Variants in FIG4 observed in about 807,000 individuals in gnomAD.
The protein encoded by FIG4 is FIG4 phosphoinositide 5-phosphatase.
A neutral mutation model predicts 118.6 loss-of-function variants in FIG4; 112 were observed. The observed-to-expected ratio is 0.94, with a 90% CI of 0.81 to 1.11. The LOEUF (loss-of-function observed/expected upper bound fraction) is 1.11. Among genes scored for constraint, FIG4 ranks in the 50% least tolerant of loss-of-function variants. The pLI is 0.00. For missense variants in FIG4, 969 were observed against 1,111.7 expected (o/e 0.87, Z 1.83); for synonymous variants, 369 against 381.2 (o/e 0.97, Z 0.37).
intron 13 of FIG4, 61 bp from the exon 14 acceptor site, chr6:109,764,952 T>C (rs925906188): frequency 4.5e-5 from 61 of 1,352,578 alleles, no homozygotes; most frequent in Middle Eastern, 3.6e-4. Context: ...AAATCTAAAG[T>C]AGTATGGAAG....
chr6:109,804,111 A>G (rs1432071025), intron 22 of FIG4, among the ~76,000 whole-genome samples: 1 of 152,044 alleles, frequency 6.6e-6, no homozygotes, highest in Non-Finnish European at 1.5e-5. Flanking sequence ...CTCATAAGAC[A>G]CTCTTACCTT....
chr6:109,805,282 G>A (rs1322130137), intron 22 of FIG4, among the ~76,000 whole-genome samples: 1 of 152,106 alleles, frequency 6.6e-6, no homozygotes, highest in Non-Finnish European at 1.5e-5. Context: ...TCCTCCCATA[G>A]GCAATTAGCT....
chr6:109,753,770 G>A (rs1278640259), intron 10 of FIG4, among the ~76,000 whole-genome samples: 1 of 152,158 alleles, frequency 6.6e-6, no homozygotes, highest in African/African-American at 2.4e-5. Flanking sequence ...GAATGCTTGT[G>A]ATTTTTGTAC....
At chr6:109,709,003 T>A (rs1177704203) in intron 1 of FIG4, among the ~76,000 whole-genome samples, 3 of 152,244 alleles carry the variant, frequency 2.0e-5, no homozygotes, top group Non-Finnish European at 2.9e-5. Context: ...TCTGTTGCAA[T>A]TGCTTTTGGA....
At position 109,715,898 on chromosome 6, in the gene FIG4, C is replaced by T. The variant is rs148667037; in HGVS notation, c.166-547C>T. Among the ~76,000 whole-genome samples the T allele has an allele frequency of 2.2e-4, 33 of 152,286 alleles. No homozygotes were observed. In the East Asian group the frequency reaches 5.2e-3, roughly 24 times the overall value. ...TTTGGAATCCATTTTCACTAAGCTA[C>T]TTGTAACAAAACTATTTTCTGTGTT... On this transcript the variant is annotated intron_variant, in intron 2 of 22. Coordinates refer to ENST00000230124, the MANE Select transcript of FIG4 (RefSeq NM_014845.6).
chr6:109,809,941 C>G (rs938160496), intron 22 of FIG4, among the ~76,000 whole-genome samples: 4 of 152,116 alleles, frequency 2.6e-5, no homozygotes, highest in Admixed American at 2.6e-4. Context: ...CTCTGCTCCC[C>G]CATTGTCAGT....
chr6:109,799,437 C>G (rs922206817), intron 22 of FIG4, among the ~76,000 whole-genome samples: 2 of 152,068 alleles, frequency 1.3e-5, no homozygotes, highest in Non-Finnish European at 2.9e-5. Flanking sequence ...CTTAAAATGT[C>G]GACTATTCAT....
Position 109,776,945 on chromosome 6 carries a change from A to C in FIG4, c.1774A>C (p.Asn592His). Residue 592 changes from asparagine (N) to histidine (H), a missense_variant, in exon 16 of 23, where the codon AAT (asparagine) becomes CAT (histidine). Asn to His is a moderately conservative substitution (Grantham distance 68, BLOSUM62 1). Transcript: ENST00000230124. ...FSDADRQDSI[N>H]LFLGVFHPTE... The stretch of plus-strand genomic sequence containing the variant: ...AGATGCCGATAGACAAGATTCCATT[A>C]ATCTCTTCCTGGGAGTTTTCCATCC... 1.2e-6 allele frequency: 2 copies of C among 1,613,382 alleles called. No homozygotes were observed. Among genetic ancestry groups the C allele is most frequent in the Non-Finnish European group, 1.7e-6 (2 of 1,179,486 alleles).
intron 21 of FIG4, among the ~76,000 whole-genome samples, chr6:109,796,154 A>G (rs1469207652): frequency 6.6e-6 from 1 of 152,218 alleles, no homozygotes; most frequent in East Asian, 1.9e-4. Context: ...CTTTCAGAAG[A>G]GGTCATATGG....
intron 15 of FIG4, among the ~76,000 whole-genome samples, chr6:109,776,112 G>A (rs1433382113): frequency 6.6e-6 from 1 of 152,180 alleles, no homozygotes; most frequent in Non-Finnish European, 1.5e-5. Flanking sequence ...GAGAAAGAAC[G>A]AAGGACACTA....
chr6:109,752,012 C>G (rs1436795530), intron 10 of FIG4, among the ~76,000 whole-genome samples: 9 of 126,016 alleles, frequency 7.1e-5, no homozygotes, highest in Admixed American at 5.2e-4. Context: ...CAACAGTCCC[C>G]AGAGTGTGAT....
intron 10 of FIG4, 135 bp from the exon 11 acceptor site, chr6:109,760,115 T>C (rs1417468678): frequency 1.4e-6 from 1 of 694,606 alleles, no homozygotes; most frequent in Non-Finnish European, 2.5e-6. Context: ...TTCTGATTAT[T>C]GTAGCTAGGT....
chr6:109,731,538 GA>G (rs1340684176), intron 4 of FIG4, among the ~76,000 whole-genome samples: 2 of 152,048 alleles, frequency 1.3e-5, no homozygotes, highest in Admixed American at 1.3e-4. Flanking sequence ...ACCACAGATT[GA>G]AAATACTTGA....
intron 22 of FIG4, among the ~76,000 whole-genome samples, chr6:109,809,730 CT>C (rs1000741689): frequency 2.0e-5 from 3 of 152,146 alleles, no homozygotes; most frequent in African/African-American, 7.2e-5. Context: ...CAAATGTTCT[CT>C]TTTTAAAGGG....
chr6:109,763,281 A>G (rs534812859), intron 12 of FIG4, among the ~76,000 whole-genome samples: 2 of 152,262 alleles, frequency 1.3e-5, no homozygotes, highest in Admixed American at 6.5e-5. Flanking sequence ...GTTGCCAGAC[A>G]TTGGCCAAGG....
rs774742105 is a variant in FIG4, at chr6:109,743,261, C to T, written c.1028C>T (p.Pro343Leu). The change falls in exon 9 of 23, where the codon CCA becomes CTA. Residue 343 changes from proline (P) to leucine (L), a missense_variant. Transcript: ENST00000230124. ...SQDISTMMPKPPITLDQADPF... is the reference protein window; with the variant it reads ...SQDISTMMPKLPITLDQADPF... Reference sequence around the variant, plus strand: ...GACATTTCAACTATGATGCCTAAACCACCTATTACATGTGTGTGGAGCCAT... The same window carrying T: ...GACATTTCAACTATGATGCCTAAACTACCTATTACATGTGTGTGGAGCCAT... 3 of 1,612,546 alleles carry T rather than the reference C, an allele frequency of 1.9e-6. No homozygotes were observed. Among genetic ancestry groups the T allele is most frequent in the East Asian group, 2.2e-5 (1 of 44,764 alleles).
chr6:109,812,000 G>A (rs942949394), intron 22 of FIG4, among the ~76,000 whole-genome samples: 1 of 152,142 alleles, frequency 6.6e-6, no homozygotes, highest in African/African-American at 2.4e-5. Context: ...CTTGTGTCAA[G>A]GGAGAGACCA....
At chr6:109,706,770 ATCT>A (rs1775079948) in intron 1 of FIG4, among the ~76,000 whole-genome samples, 1 of 152,134 alleles carries the variant, frequency 6.6e-6, no homozygotes, top group Non-Finnish European at 1.5e-5. Flanking sequence ...CAAACATACC[ATCT>A]TCTTCCCTTT....
intron 6 of FIG4, among the ~76,000 whole-genome samples, chr6:109,735,608 A>T (rs905555156): frequency 2.6e-5 from 4 of 151,842 alleles, no homozygotes; most frequent in Non-Finnish European, 5.9e-5. Flanking sequence ...TACATGGATA[A>T]TTTTTTTTAA....
Sources: gnomAD v4.1 joint callset for allele counts (sites outside exome capture counted in the v4.1 genomes callset) on GRCh38, gnomAD v4.1.1 for gene constraint, MANE v1.5 for transcripts, NCBI Gene and HGNC (gene_info 2026-07-23, HGNC 2026-07-21) for gene names.